The following LPP variants were observed in gnomAD, a reference collection of about 807,000 sequenced individuals.
LPP encodes LIM domain containing preferred translocation partner in lipoma.
In LPP, 38 loss-of-function variants were observed where a neutral mutation model predicts 60.4. The observed-to-expected ratio is 0.63, with a 90% CI of 0.49 to 0.83. The LOEUF is 0.83. Among genes scored for constraint, LPP ranks in the 40% least tolerant of loss-of-function variants. LPP has a pLI of 0.00. For synonymous variants in LPP, 328 were observed against 290.8 expected, an observed-to-expected ratio of 1.13 and a Z score of -1.30; for missense variants, 902 against 783.6, an observed-to-expected ratio of 1.15 and a Z score of -1.80.
chr3:188,452,087 C>T (rs2149356892), intron 4 of LPP, among the ~76,000 whole-genome samples: 1 of 152,188 alleles, frequency 6.6e-6, no homozygotes, highest in South Asian at 2.1e-4. Flanking sequence ...TTCTTTTAAC[C>T]TTCTGTTTGC....
intron 4 of LPP, among the ~76,000 whole-genome samples, chr3:188,478,075 G>A (rs1420377601): frequency 6.6e-6 from 1 of 152,006 alleles, no homozygotes; most frequent in Non-Finnish European, 1.5e-5. Flanking sequence ...TATAGCTGTG[G>A]CATAATTCAT....
intron 9 of LPP, among the ~76,000 whole-genome samples, chr3:188,793,286 A>G (rs1349610474): frequency 6.6e-6 from 1 of 150,632 alleles, no homozygotes; most frequent in Non-Finnish European, 1.5e-5. Context: ...AGCTCAAGCG[A>G]TTCTCCTGCC....
At chr3:188,683,966 G>T (rs79214816) in intron 7 of LPP, among the ~76,000 whole-genome samples, 1 of 152,198 alleles carries the variant, frequency 6.6e-6, no homozygotes, top group African/African-American at 2.4e-5. Flanking sequence ...TCGGGAAACC[G>T]GAGTGTTGTC....
chr3:188,619,500 A>G, intron 7 of LPP, among the ~76,000 whole-genome samples: 1 of 152,176 alleles, frequency 6.6e-6, no homozygotes, highest in South Asian at 2.1e-4. Flanking sequence ...CCAGCACACA[A>G]CAGCCTGTGG....
chr3:188,458,633 A>G (rs1798293121), intron 4 of LPP, among the ~76,000 whole-genome samples: 1 of 152,278 alleles, frequency 6.6e-6, no homozygotes, highest in South Asian at 2.1e-4. Flanking sequence ...CTCACCCTGG[A>G]TTATTTTGAA....
chr3:188,846,197 A>T (rs1761346513), intron 9 of LPP, among the ~76,000 whole-genome samples: 3 of 152,238 alleles, frequency 2.0e-5, no homozygotes, highest in Admixed American at 2.0e-4. Context: ...CAGTATAATG[A>T]ATACCACAGG....
intron 7 of LPP, among the ~76,000 whole-genome samples, chr3:188,648,636 G>T (rs1851533140): frequency 6.6e-6 from 1 of 152,020 alleles, no homozygotes. Flanking sequence ...CATACTTCTT[G>T]AATCACTTTG....
chr3:188,228,055 C>G (rs1718456136), intron 2 of LPP, among the ~76,000 whole-genome samples: 1 of 152,186 alleles, frequency 6.6e-6, no homozygotes, highest in African/African-American at 2.4e-5. Flanking sequence ...TCTTTAGCCC[C>G]CCTGTCAGAG....
intron 7 of LPP, among the ~76,000 whole-genome samples, chr3:188,683,863 A>G (rs916538196): frequency 1.2e-4 from 19 of 152,242 alleles, no homozygotes; most frequent in African/African-American, 4.6e-4. Context: ...ATTCAAACAC[A>G]TTATGCATAC....
intron 9 of LPP, among the ~76,000 whole-genome samples, chr3:188,799,448 A>G (rs1352098458): frequency 6.6e-6 from 1 of 152,210 alleles, no homozygotes. Context: ...GGATCACTGC[A>G]AATGTCTCAG....
At chr3:188,818,375 T>C (rs1335854674) in intron 9 of LPP, among the ~76,000 whole-genome samples, 1 of 152,182 alleles carries the variant, frequency 6.6e-6, no homozygotes. Flanking sequence ...TATAATACTT[T>C]CTATTGGTAT....
At chr3:188,509,867 T>TGTTG (rs1553917184) in intron 5 of LPP, among the ~76,000 whole-genome samples, 7 of 97,046 alleles carry the variant, frequency 7.2e-5, no homozygotes, top group African/African-American at 2.3e-4. Context: ...TAATTTTTTT[T>TGTTG]TTGTTGTTTT....
chr3:188,275,392 C>G (rs1016008566), intron 2 of LPP, among the ~76,000 whole-genome samples: 1 of 152,162 alleles, frequency 6.6e-6, no homozygotes, highest in Admixed American at 6.5e-5. Context: ...TCTCCCCTCC[C>G]TCTGTTGCCC....
intron 8 of LPP, among the ~76,000 whole-genome samples, chr3:188,731,528 T>TTTGTTTTGTTTTGTTTTGTTTTG (rs1425886750): frequency 6.6e-6 from 1 of 151,756 alleles, no homozygotes; most frequent in Non-Finnish European, 1.5e-5. Context: ...TTTGTTTTGT[T>TTTGTTTTGTTTTGTTTTGTTTTG]TTGTTTTGTT....
chr3:188,255,631 A>C (rs1731403959), intron 2 of LPP, among the ~76,000 whole-genome samples: 1 of 152,152 alleles, frequency 6.6e-6, no homozygotes, highest in South Asian at 2.1e-4. Context: ...ATAGTGTTTA[A>C]TTCATAGCTG....
chr3:188,216,273 C>CTTTT (rs1315000809), intron 1 of LPP, among the ~76,000 whole-genome samples: 1 of 131,162 alleles, frequency 7.6e-6, no homozygotes, highest in Non-Finnish European at 1.6e-5. Flanking sequence ...CTTCTTCTTC[C>CTTTT]TTTTTTTTTT....
chr3:188,286,638 T>C (rs1744007619), intron 2 of LPP, among the ~76,000 whole-genome samples: 1 of 152,182 alleles, frequency 6.6e-6, no homozygotes, highest in Non-Finnish European at 1.5e-5. Flanking sequence ...ATCTCACTTC[T>C]GTGTTCCCTC....
chr3:188,758,478 T>A, intron 8 of LPP, among the ~76,000 whole-genome samples: 1 of 152,146 alleles, frequency 6.6e-6, no homozygotes, highest in East Asian at 1.9e-4. Context: ...TTCTTATTCC[T>A]TAGGAAAAAA....
intron 8 of LPP, among the ~76,000 whole-genome samples, chr3:188,729,013 C>A (rs1719439670): frequency 6.6e-6 from 1 of 152,018 alleles, no homozygotes; most frequent in African/African-American, 2.4e-5. Context: ...GAGCTCTGTA[C>A]CTATGATTAT....
Sources: gnomAD v4.1 joint callset for allele counts (sites outside exome capture counted in the v4.1 genomes callset) on GRCh38, gnomAD v4.1.1 for gene constraint, MANE v1.5 for transcripts, NCBI Gene and HGNC (gene_info 2026-07-23, HGNC 2026-07-21) for gene names.